The following FZD8 variants were observed in gnomAD, a reference collection of about 807,000 sequenced individuals.
FZD8 encodes frizzled class receptor 8, also known as frizzled-8.
A neutral mutation model predicts 46.0 loss-of-function variants in FZD8; 18 were observed. That is an observed-to-expected ratio of 0.39 (90% confidence interval 0.27 to 0.58). The LOEUF (loss-of-function observed/expected upper bound fraction) is 0.58, where lower values mean the gene tolerates loss of function less well. Among genes scored for constraint, FZD8 ranks in the 20% least tolerant of loss-of-function variants. The probability of loss-of-function intolerance (pLI) is 0.55; values close to 1 mark genes in which losing one functional copy is unlikely to be tolerated. For synonymous variants in FZD8, 586 were observed against 467.9 expected (o/e 1.25, Z -3.26); for missense variants, 785 against 983.4 (o/e 0.80, Z 2.70).
chr10:35,639,483 G>C lies in FZD8; in HGVS notation c.1947C>G (p.Gly649=). The C allele has an allele frequency of 1.1e-6, 1 of 881,492 alleles. No individual in the cohort carries two copies. Among genetic ancestry groups the C allele is most frequent in the Non-Finnish European group, 1.4e-6 (1 of 738,562 alleles). 54.6% of individuals were successfully genotyped at this position (881,492 alleles called of 1,614,324 possible). A position where few individuals can be genotyped will look rare whatever the true frequency, so the allele number is the denominator to read the frequency against. ...GCCCCCCGCCGCCGCCGGGTCCCCCGCCGCCGCCGCCCCCCGGCCCGCCGC... is the reference window on the plus strand; with the variant it reads ...GCCCCCCGCCGCCGCCGGGTCCCCCCCCGCCGCCGCCCCCCGGCCCGCCGC... ...GGGGGPGGGG[G]GGPGGGGGPG... Residue 649 remains glycine (G), a synonymous_variant, in exon 1 of 1, where the codon GGC becomes GGG. Coordinates refer to ENST00000374694, the MANE Select transcript of FZD8 (RefSeq NM_031866.3).
At position 35,638,942 on chromosome 10, in the gene FZD8, G is replaced by A. The variant is rs181286891; in HGVS notation, c.*403C>T. 6.6e-6 allele frequency: 1 copy of A among 152,668 alleles called. No individual in the cohort carries two copies. Among genetic ancestry groups the A allele is most frequent in the African/African-American group, 2.4e-5 (1 of 41,400 alleles). The allele number at this position is 152,668 out of a possible 1,614,324, so 9.5% of individuals were successfully genotyped here. ...GGGTAAGTCAGGGGTGGGAGTTTAC[G>A]TAGGAAGAGTCGAGGGAGAAAAAGA... On this transcript the variant is annotated 3_prime_UTR_variant, in exon 1 of 1. Transcript: ENST00000374694.
Position 35,640,745 on chromosome 10 carries a change from C to A in FZD8, c.685G>T (p.Glu229Ter). ...RPPGGGAAPC[E>*]PGCQCRAPMV... Reference sequence around the variant, plus strand: ...GGCGCGCGGCACTGGCACCCGGGCTCGCAGGGAGCCGCGCCGCCGCCAGGG... The same window carrying A: ...GGCGCGCGGCACTGGCACCCGGGCTAGCAGGGAGCCGCGCCGCCGCCAGGG... The change falls in exon 1 of 1, where the codon GAG becomes TAG. Residue 229 changes from glutamate (E) to a stop codon, truncating the protein, a stop_gained. Transcript: ENST00000374694. LOFTEE classifies it high-confidence loss of function. 1 of 1,344,010 alleles carries A rather than the reference C, an allele frequency of 7.4e-7. No individual in the cohort carries two copies. The highest frequency in any genetic ancestry group is 9.7e-7 in the Non-Finnish European group (1 of 1,035,000). 83.3% of individuals were successfully genotyped at this position (1,344,010 alleles called of 1,614,324 possible). A position where few individuals can be genotyped will look rare whatever the true frequency, so the allele number is the denominator to read the frequency against.
Position 35,639,393 on chromosome 10 carries a change from C to A in FZD8, c.2037G>T (p.Thr679=). Residue 679 remains threonine (T), a synonymous_variant, in exon 1 of 1, where the codon ACG becomes ACT. Transcript: ENST00000374694. Reference sequence around the variant, plus strand: ...GCTTTGGATAAGACACGGAGCTCGCCGTGCCCGACCGCCACGTCAGGCCAG... The same window carrying A: ...GCTTTGGATAAGACACGGAGCTCGCAGTGCCCGACCGCCACGTCAGGCCAG... The part of the protein sequence containing the change: ...VSTGLTWRSG[T]ASSVSYPKQM... 6.8e-7 allele frequency: 1 copy of A among 1,476,486 alleles called. No individual in the cohort carries two copies. Among genetic ancestry groups the A allele is most frequent in the Non-Finnish European group, 9.1e-7 (1 of 1,103,048 alleles). 91.5% of individuals were successfully genotyped at this position (1,476,486 alleles called of 1,614,324 possible).
In FZD8 at chr10:35,641,891, G is replaced by C. The variant is rs892430106; in HGVS notation, c.-462C>G. On this transcript the variant is annotated 5_prime_UTR_variant, in exon 1 of 1. Coordinates refer to ENST00000374694, the MANE Select transcript of FZD8 (RefSeq NM_031866.3). This position sits in a 1 kb window ranked among gnomAD's most constrained non-coding sequence, Gnocchi z 6.3. Reference sequence around the variant, plus strand: ...CAAGTTTCCTCTGGGGCCGCGGTGCGCAGTCAAGATGGCTGGGCCGGGCCG... The same window carrying C: ...CAAGTTTCCTCTGGGGCCGCGGTGCCCAGTCAAGATGGCTGGGCCGGGCCG... 3 of 152,788 alleles carry C rather than the reference G, an allele frequency of 2.0e-5. No homozygotes were observed. Among genetic ancestry groups the C allele is most frequent in the African/African-American group, 7.2e-5 (3 of 41,380 alleles). 9.5% of individuals were successfully genotyped at this position (152,788 alleles called of 1,614,324 possible).
rs1468335573 is a variant in FZD8 at position 35,638,424 on chromosome 10, G to C, written c.*921C>G. 6.6e-6 allele frequency: 1 copy of C among 152,556 alleles called. No homozygotes were observed. Among genetic ancestry groups the C allele is most frequent in the African/African-American group, 2.4e-5 (1 of 41,424 alleles). The allele number at this position is 152,556 out of a possible 1,614,324, so 9.5% of individuals were successfully genotyped here. On this transcript the variant is annotated 3_prime_UTR_variant, in exon 1 of 1. Coordinates refer to ENST00000374694, the MANE Select transcript of FZD8 (RefSeq NM_031866.3). The stretch of plus-strand genomic sequence containing the variant: ...GGGGAAGGTGCAAAAACTCAATTTT[G>C]ATTTCAGTTCAACAATGATATTTAC...
rs1835816886 is a variant in FZD8, at chr10:35,639,497, C to G, written c.1933G>C (p.Gly645Arg). ...CCGGGTCCCCCGCCGCCGCCGCCCC[C>G]CGGCCCGCCGCCACCCCCCGCGGCC... ...ATAAGGGGGPGGGGGGGPGGG... is the reference protein window; with the variant it reads ...ATAAGGGGGPRGGGGGGPGGG... Residue 645 changes from glycine to arginine, a missense_variant, in exon 1 of 1, where the codon GGG becomes CGG. Around this residue, in one of 5 missense-constraint regions of FZD8, gnomAD observed 185 missense variants for 180.8 expected, o/e 1.02. Transcript: ENST00000374694. 3.0e-6 allele frequency: 3 copies of G among 990,176 alleles called. No individual in the cohort carries two copies. The highest frequency in any genetic ancestry group is 3.6e-6 in the Non-Finnish European group (3 of 832,242). 61.3% of individuals were successfully genotyped at this position (990,176 alleles called of 1,614,324 possible).
At position 35,639,539 on chromosome 10, in the gene FZD8, C is replaced by A. The variant is rs749572478; in HGVS notation, c.1891G>T (p.Gly631Trp). 7 of 1,352,354 alleles carry A rather than the reference C, an allele frequency of 5.2e-6. No homozygotes were observed. The South Asian group carries it at 1.1e-4, about 22-fold the overall frequency. 83.8% of individuals were successfully genotyped at this position (1,352,354 alleles called of 1,614,324 possible). Residue 631 changes from glycine to tryptophan, a missense_variant, in exon 1 of 1, where the codon GGG (glycine) becomes TGG (tryptophan). Coordinates refer to ENST00000374694, the MANE Select transcript of FZD8 (RefSeq NM_031866.3). ...CWASKGAAVG[G>W]GAGATAAGGG... is the part of the protein sequence containing the mutation. ...CCCGCGGCCGTGGCGCCCGCGCCCC[C>A]GCCCACCGCGGCGCCCTTGCTGGCC...
chr10:35,641,096 C>A lies in FZD8; in HGVS notation c.334G>T (p.Glu112Ter). The A allele has an allele frequency of 6.2e-7, 1 of 1,611,858 alleles. No individual in the cohort carries two copies. Among genetic ancestry groups the A allele is most frequent in the Non-Finnish European group, 8.5e-7 (1 of 1,179,570 alleles). Residue 112 changes from glutamate (E) to a stop codon, truncating the protein, a stop_gained, in exon 1 of 1, where the codon GAG (glutamate) becomes TAG (stop). Transcript: ENST00000374694. LOFTEE classifies it high-confidence loss of function. This position sits in a 1 kb window ranked among gnomAD's most constrained non-coding sequence, Gnocchi z 6.3. The stretch of plus-strand genomic sequence containing the variant: ...GGCGCGCAGCCGGCCTTGGCGCGCT[C>A]GCACACCGAGCGGCAGGGCGGCAGC... Reference protein sequence around the residue: ...KPLPPCRSVCERAKAGCAPLM... With the variant: ...KPLPPCRSVC
Position 35,641,088 on chromosome 10 carries a change from G to A in FZD8, c.342C>T (p.Ala114=). ...GCATGAGCGGCGCGCAGCCGGCCTTGGCGCGCTCGCACACCGAGCGGCAGG... is the reference window on the plus strand; with the variant it reads ...GCATGAGCGGCGCGCAGCCGGCCTTAGCGCGCTCGCACACCGAGCGGCAGG... The part of the protein sequence containing the change: ...LPPCRSVCER[A]KAGCAPLMRQ... The change falls in exon 1 of 1, where the codon GCC becomes GCT. Residue 114 remains alanine, a synonymous_variant. Coordinates refer to ENST00000374694, the MANE Select transcript of FZD8 (RefSeq NM_031866.3). This position sits in a 1 kb window ranked among gnomAD's most constrained non-coding sequence, Gnocchi z 6.3. 1 of 1,611,380 alleles carries A rather than the reference G, an allele frequency of 6.2e-7. No individual in the cohort carries two copies. Among genetic ancestry groups the A allele is most frequent in the East Asian group, 2.2e-5 (1 of 44,814 alleles).
At position 35,641,142 on chromosome 10, in the gene FZD8, G is replaced by A; in HGVS notation, c.288C>T (p.Cys96=). 3 of 1,613,548 alleles carry A rather than the reference G, an allele frequency of 1.9e-6. No homozygotes were observed. The highest frequency in any genetic ancestry group is 2.5e-6 in the Non-Finnish European group (3 of 1,179,836). ...GCAGCGGCTTCTTGTAGTCCTCTAG[G>A]CAGATGGGCGTGTACATGCTGCACA... ...FFLCSMYTPI[C]LEDYKKPLPP... The change falls in exon 1 of 1, where the codon TGC becomes TGT. Residue 96 remains cysteine (C), a synonymous_variant. Transcript: ENST00000374694. The surrounding 1 kb of genome is among the most constrained non-coding windows in gnomAD (Gnocchi z 6.3).
Position 35,640,779 on chromosome 10 carries a change from C to T in FZD8, c.651G>A (p.Lys217=). The change falls in exon 1 of 1, where the codon AAG becomes AAA. Residue 217 remains lysine, a synonymous_variant. Coordinates refer to ENST00000374694, the MANE Select transcript of FZD8 (RefSeq NM_031866.3). Reference sequence around the variant, plus strand: ...CCGCGCCGCCGCCAGGGGGCCGCGCCTTCCCGCCACCGCCGCCGCCGCGAG... The same window carrying T: ...CCGCGCCGCCGCCAGGGGGCCGCGCTTTCCCGCCACCGCCGCCGCCGCGAG... ...PPARGGGGGG[K]ARPPGGGAAP... The T allele has an allele frequency of 8.6e-7, 1 of 1,169,506 alleles. No homozygotes were observed. The allele number at this position is 1,169,506 out of a possible 1,614,324, so 72.4% of individuals were successfully genotyped here. A position where few individuals can be genotyped will look rare whatever the true frequency, so the allele number is the denominator to read the frequency against.
chr10:35,641,494 G>GGGGGC lies in FZD8; in HGVS notation c.-66_-65insGCCCC, dbSNP rs1554808068. The GGGGGC allele has an allele frequency of 6.6e-7, 1 of 1,505,924 alleles. No homozygotes were observed. Among genetic ancestry groups the GGGGGC allele is most frequent in the African/African-American group, 1.4e-5 (1 of 71,468 alleles). The allele number at this position is 1,505,924 out of a possible 1,614,324, so 93.3% of individuals were successfully genotyped here. The stretch of plus-strand genomic sequence containing the variant: ...CGCGCAGAGGGGTGCCGGGGGGGGG[G>GGGGGC]CCCACGAGAGAGCCGCAGACGGGTA... On this transcript the variant is annotated 5_prime_UTR_variant, in exon 1 of 1. Transcript: ENST00000374694. The surrounding 1 kb of genome is among the most constrained non-coding windows in gnomAD (Gnocchi z 6.3).
rs1322411573 is a variant in FZD8, at chr10:35,641,311, A to G, written c.119T>C (p.Val40Ala). The change falls in exon 1 of 1, where the codon GTG becomes GCG. Residue 40 changes from valine (V) to alanine (A), a missense_variant. Val to Ala is a moderately conservative substitution (Grantham distance 64, BLOSUM62 0). Around this residue, in one of 5 missense-constraint regions of FZD8, gnomAD observed 354 missense variants for 433.2 expected, o/e 0.82. Transcript: ENST00000374694. This position sits in a 1 kb window ranked among gnomAD's most constrained non-coding sequence, Gnocchi z 6.3. Reference sequence around the variant, plus strand: ...GTAGCCGATGCCCTTACACAGCGGCACGGTGATCTCTTGGCATGCCAGCTC... The same window carrying G: ...GTAGCCGATGCCCTTACACAGCGGCGCGGTGATCTCTTGGCATGCCAGCTC... The part of the protein sequence containing the change: ...AKELACQEIT[V>A]PLCKGIGYNY... 6.2e-7 allele frequency: 1 copy of G among 1,613,994 alleles called. No homozygotes were observed. Among genetic ancestry groups the G allele is most frequent in the Non-Finnish European group, 8.5e-7 (1 of 1,179,924 alleles).
At position 35,639,873 on chromosome 10, in the gene FZD8, G is replaced by A. The variant is rs761857847; in HGVS notation, c.1557C>T (p.Gly519=). The change falls in exon 1 of 1, where the codon GGC becomes GGT. Residue 519 remains glycine, a synonymous_variant. Transcript: ENST00000374694. ...RIRSVIKQQD[G]PTKTHKLEKL... Reference sequence around the variant, plus strand: ...TCTCCAGCTTGTGCGTCTTGGTGGGGCCGTCCTGTTGCTTGATGACCGAGC... The same window carrying A: ...TCTCCAGCTTGTGCGTCTTGGTGGGACCGTCCTGTTGCTTGATGACCGAGC... The A allele has an allele frequency of 5.6e-6, 9 of 1,611,172 alleles. No homozygotes were observed. The South Asian group carries it at 9.9e-5, about 18-fold the overall frequency.
In FZD8 at chr10:35,639,307, C is replaced by A. The variant is rs1227647503; in HGVS notation, c.*38G>T. 1.3e-6 allele frequency: 1 copy of A among 799,814 alleles called. No homozygotes were observed. Among genetic ancestry groups the A allele is most frequent in the South Asian group, 1.8e-5 (1 of 56,520 alleles). The allele number at this position is 799,814 out of a possible 1,614,324, so 49.5% of individuals were successfully genotyped here. On this transcript the variant is annotated 3_prime_UTR_variant, in exon 1 of 1. Transcript: ENST00000374694. ...TTCGCTGCACTTGGCTCTCCTCGCC[C>A]CCCTCCCCACCCCTCCTGGGCGCCC...
Position 35,640,679 on chromosome 10 carries a change from G to A in FZD8, c.751C>T (p.Arg251Cys). ...VSSERHPLYN[R>C]VKTGQIANCA... ...TTAGCGATCTGGCCTGTCTTGACGC[G>A]GTTGTAGAGCGGGTGGCGCTCGCTG... Residue 251 changes from arginine to cysteine, a missense_variant, in exon 1 of 1, where the codon CGC (arginine) becomes TGC (cysteine). Physicochemically the swap from Arg to Cys is radical, Grantham distance 180 (BLOSUM62 -3). Coordinates refer to ENST00000374694, the MANE Select transcript of FZD8 (RefSeq NM_031866.3). 1 of 1,541,932 alleles carries A rather than the reference G, an allele frequency of 6.5e-7. No homozygotes were observed.
chr10:35,640,914 G>A lies in FZD8; in HGVS notation c.516C>T (p.Pro172=). The part of the protein sequence containing the change: ...SPPRRLPPPP[P]GEQPPSGSGH... The stretch of plus-strand genomic sequence containing the variant: ...CGCTGCCCGAAGGCGGCTGCTCGCC[G>A]GGCGGCGGCGGCGGCAGGCGGCGCG... Residue 172 remains proline, a synonymous_variant, in exon 1 of 1, where the codon CCC becomes CCT. Transcript: ENST00000374694. 2 of 1,227,220 alleles carry A rather than the reference G, an allele frequency of 1.6e-6. No homozygotes were observed. Among genetic ancestry groups the A allele is most frequent in the Non-Finnish European group, 2.0e-6 (2 of 986,008 alleles). 76.0% of individuals were successfully genotyped at this position (1,227,220 alleles called of 1,614,324 possible).
At position 35,640,321 on chromosome 10, in the gene FZD8, G is replaced by A. The variant is rs752620214; in HGVS notation, c.1109C>T (p.Pro370Leu). ...AGAAGAGAGG[P>L]GGRGEYEELG... Reference sequence around the variant, plus strand: ...CTCCTCGTACTCGCCGCGCCCGCCCGGGCCGCCCGCGCCCGCGCCCGCCGC... The same window carrying A: ...CTCCTCGTACTCGCCGCGCCCGCCCAGGCCGCCCGCGCCCGCGCCCGCCGC... The change falls in exon 1 of 1, where the codon CCG becomes CTG. Residue 370 changes from proline to leucine, a missense_variant. This residue lies in a region of FZD8 where 88 missense variants were observed against 83.6 expected (regional missense o/e 1.05). Coordinates refer to ENST00000374694, the MANE Select transcript of FZD8 (RefSeq NM_031866.3). The A allele has an allele frequency of 6.6e-6, 8 of 1,219,432 alleles. No individual in the cohort carries two copies. Among genetic ancestry groups the A allele is most frequent in the African/African-American group, 1.6e-5 (1 of 63,698 alleles). The allele number at this position is 1,219,432 out of a possible 1,614,324, so 75.5% of individuals were successfully genotyped here. A position where few individuals can be genotyped will look rare whatever the true frequency, so the allele number is the denominator to read the frequency against.
Position 35,639,974 on chromosome 10 carries a change from G to T in FZD8, c.1456C>A (p.Leu486Met). The T allele has an allele frequency of 6.2e-7, 1 of 1,612,826 alleles. No individual in the cohort carries two copies. Among genetic ancestry groups the T allele is most frequent in the South Asian group, 1.1e-5 (1 of 91,046 alleles). Residue 486 changes from leucine to methionine, a missense_variant, in exon 1 of 1, where the codon CTG (leucine) becomes ATG (methionine). Leu to Met is a conservative substitution (Grantham distance 15, BLOSUM62 2). Coordinates refer to ENST00000374694, the MANE Select transcript of FZD8 (RefSeq NM_031866.3). ...AAGAGGTAGATGACCAGCGGCGCCA[G>T]CACGAAGCCGCGCAGGTTGTCCAGG... ...QSLDNLRGFV[L>M]APLVIYLFIG...
Sources: gnomAD v4.1 joint callset for allele counts on GRCh38, gnomAD v4.1.1 for gene constraint, gnomAD v4.1.1 regional missense constraint, Gnocchi (gnomAD v3.1) non-coding constraint, MANE v1.5 for transcripts, NCBI Gene and HGNC (gene_info 2026-07-23, HGNC 2026-07-21) for gene names.